Variants in SPPL2A observed in about 807,000 individuals in gnomAD.
SPPL2A encodes the protein signal peptide peptidase like 2A.
In SPPL2A, 51 loss-of-function variants were observed where a neutral mutation model predicts 63.8. That is an observed-to-expected ratio of 0.80 (90% CI 0.64 to 1.01). SPPL2A has a LOEUF of 1.01. Ranked by LOEUF, SPPL2A falls within the 50% of genes least tolerant of loss-of-function variation. The pLI is 0.00. For synonymous variants in SPPL2A, 188 were observed against 205.8 expected (o/e 0.91, Z 0.74); for missense variants, 553 against 622.7 (o/e 0.89, Z 1.19).
At chr15:50,749,226 T>A (rs28698099) in intron 2 of SPPL2A, among the ~76,000 whole-genome samples, 9 of 152,060 alleles carry the variant, frequency 5.9e-5, no homozygotes, top group Non-Finnish European at 4.4e-5. Flanking sequence ...CAAATGATCC[T>A]CCCATCTTGA....
At chr15:50,752,478 G>A (rs2062916732) in intron 1 of SPPL2A, among the ~76,000 whole-genome samples, 2 of 152,196 alleles carry the variant, frequency 1.3e-5, no homozygotes, top group South Asian at 4.1e-4. Flanking sequence ...AGCACCTCGG[G>A]AGGCCGAGGC....
At chr15:50,765,130 T>C (rs2063046757) in intron 1 of SPPL2A, among the ~76,000 whole-genome samples, 1 of 152,084 alleles carries the variant, frequency 6.6e-6, no homozygotes, top group African/African-American at 2.4e-5. Flanking sequence ...AGGTCAATTT[T>C]AAATATGCTG....
intron 9 of SPPL2A, 23 bp from the exon 10 acceptor site, chr15:50,731,062 T>TA: frequency 1.8e-6 from 2 of 1,082,588 alleles, no homozygotes; most frequent in South Asian, 1.3e-5. Context: ...GAAACAAAAT[T>TA]AAAGGTCAAT....
intron 5 of SPPL2A, among the ~76,000 whole-genome samples, chr15:50,742,185 G>A (rs571897163): frequency 1.2e-4 from 19 of 152,128 alleles, no homozygotes; most frequent in Middle Eastern, 6.8e-3. Context: ...TGAGGCAGGC[G>A]GATCACCTGA....
At chr15:50,716,441 C>T (rs1029405959) in intron 14 of SPPL2A, among the ~76,000 whole-genome samples, 10 of 152,124 alleles carry the variant, frequency 6.6e-5, no homozygotes, top group Non-Finnish European at 2.9e-5. Flanking sequence ...GTGATCTGCC[C>T]GCCTCAGCCT....
chr15:50,765,484 C>A lies in SPPL2A; in HGVS notation c.50G>T (p.Gly17Val). 3 of 1,504,198 alleles carry A rather than the reference C, an allele frequency of 2.0e-6. No individual in the cohort carries two copies. The highest frequency in any genetic ancestry group is 1.8e-6 in the Non-Finnish European group (2 of 1,134,026). 93.2% of individuals were successfully genotyped at this position (1,504,198 alleles called of 1,614,324 possible). A position where few individuals can be genotyped will look rare whatever the true frequency, so the allele number is the denominator to read the frequency against. ...CCCCCTTACCAGCTGGAGCAGGAAG[C>A]CCCAGAGTAGGGCGGCCCCGGCAGG... ...LSPAGAALLW[G>V]FLLQLTAAQE... Residue 17 changes from glycine (G) to valine (V), a missense_variant, in exon 1 of 15, where the codon GGC (glycine) becomes GTC (valine). Transcript: ENST00000261854.
intron 14 of SPPL2A, among the ~76,000 whole-genome samples, chr15:50,718,634 T>C (rs1352241370): frequency 2.0e-5 from 3 of 152,172 alleles, no homozygotes; most frequent in African/African-American, 7.2e-5. Flanking sequence ...CTTTGTGATG[T>C]AGGCAAGACA....
chr15:50,765,538 C>G lies in SPPL2A; in HGVS notation c.-5G>C, dbSNP rs747094578. 14 of 1,490,690 alleles carry G rather than the reference C, an allele frequency of 9.4e-6. No individual in the cohort carries two copies. Among genetic ancestry groups the G allele is most frequent in the African/African-American group, 1.5e-5 (1 of 68,694 alleles). The allele number at this position is 1,490,690 out of a possible 1,614,324, so 92.3% of individuals were successfully genotyped here. A position where few individuals can be genotyped will look rare whatever the true frequency, so the allele number is the denominator to read the frequency against. On this transcript the variant is annotated 5_prime_UTR_variant, in exon 1 of 15. Transcript: ENST00000261854. ...CAGCCGCCGCTGCGGCCCCATCGGA[C>G]TGGTGGGTGCCGGGTGGGACGGCAC...
chr15:50,731,241 T>C (rs2062728870), intron 9 of SPPL2A, among the ~76,000 whole-genome samples: 1 of 152,152 alleles, frequency 6.6e-6, no homozygotes, highest in Admixed American at 6.5e-5. Flanking sequence ...TTAAAAAAAA[T>C]CACCGAACCA....
At chr15:50,751,192 T>C (rs928628106) in intron 1 of SPPL2A, among the ~76,000 whole-genome samples, 1 of 152,192 alleles carries the variant, frequency 6.6e-6, no homozygotes, top group African/African-American at 2.4e-5. Flanking sequence ...AGAAATGTAG[T>C]TTTCATTCAG....
In SPPL2A at chr15:50,706,283, G is replaced by T. The variant is rs1278881622; in HGVS notation, c.*1517C>A. On this transcript the variant is annotated 3_prime_UTR_variant, in exon 15 of 15. Transcript: ENST00000261854. ...CGGGCGCCTGTAGTCCTAGCTACTTGGGAGGCTGAGGCAGGAGAATGGCGT... is the reference window on the plus strand; with the variant it reads ...CGGGCGCCTGTAGTCCTAGCTACTTTGGAGGCTGAGGCAGGAGAATGGCGT... 6.7e-6 allele frequency: 1 copy of T among 149,908 alleles called. No individual in the cohort carries two copies. The highest frequency in any genetic ancestry group is 1.5e-5 in the Non-Finnish European group (1 of 67,226). 9.3% of individuals were successfully genotyped at this position (149,908 alleles called of 1,614,324 possible). A position where few individuals can be genotyped will look rare whatever the true frequency, so the allele number is the denominator to read the frequency against.
intron 1 of SPPL2A, among the ~76,000 whole-genome samples, chr15:50,760,810 A>T (rs2063003571): frequency 6.6e-6 from 1 of 152,152 alleles, no homozygotes. Context: ...GGAGGTTGAG[A>T]GAACAGAGCA....
chr15:50,756,379 G>C (rs921504608), intron 1 of SPPL2A, among the ~76,000 whole-genome samples: 2 of 139,762 alleles, frequency 1.4e-5, no homozygotes, highest in Admixed American at 7.2e-5. Context: ...AAAAAAAAAA[G>C]GTCAGGGTCT....
In SPPL2A at chr15:50,765,031, G is replaced by C. The variant is rs1186286837; in HGVS notation, c.66+437C>G. ...TTAGTGCAATTAAAGTGCAGTCCTC[G>C]AACCGCTAAACATACTGGCGCCTTG... is the stretch of plus-strand genomic sequence containing the variant. On this transcript the variant is annotated intron_variant, in intron 1 of 14. Transcript: ENST00000261854. Among the ~76,000 whole-genome samples the C allele has an allele frequency of 3.9e-5, 6 of 152,076 alleles. No individual in the cohort carries two copies. In the East Asian group the frequency reaches 1.2e-3, roughly 29 times the overall value.
At chr15:50,710,413 G>A (rs2062547057) in intron 14 of SPPL2A, among the ~76,000 whole-genome samples, 1 of 152,030 alleles carries the variant, frequency 6.6e-6, no homozygotes, top group South Asian at 2.1e-4. Flanking sequence ...AACTTATTGA[G>A]AAGTAAGCAT....
rs1262652893 is a variant in SPPL2A, at chr15:50,748,818, T to C, written c.230A>G (p.Asp77Gly). The C allele has an allele frequency of 6.2e-7, 1 of 1,611,206 alleles. No individual in the cohort carries two copies. Among genetic ancestry groups the C allele is most frequent in the Non-Finnish European group, 8.5e-7 (1 of 1,179,018 alleles). ...GCTCTTTATGCCAACAGGAGGAATA[T>C]CAGAAAGGTTGCATAGTGGTGTGGA... ...LTSTPLCNLSDIPPVGIKSKA... is the reference protein window; with the variant it reads ...LTSTPLCNLSGIPPVGIKSKA... The change falls in exon 3 of 15, where the codon GAT (aspartate) becomes GGT (glycine). Residue 77 changes from aspartate (D) to glycine (G), a missense_variant. By Grantham distance (94) the Asp-to-Gly change is moderately conservative (BLOSUM62 -1). Coordinates refer to ENST00000261854, the MANE Select transcript of SPPL2A (RefSeq NM_032802.4).
intron 1 of SPPL2A, among the ~76,000 whole-genome samples, chr15:50,762,367 CA>C (rs5812527): frequency 0.14 from 16,618 of 115,710 alleles, 2,148 homozygotes; most frequent in African/African-American, 0.4. Context: ...GACTCCATCT[CA>C]AAAAAAAAAA....
At chr15:50,708,618 A>T (rs947528016) in intron 14 of SPPL2A, among the ~76,000 whole-genome samples, 10 of 151,162 alleles carry the variant, frequency 6.6e-5, no homozygotes. Flanking sequence ...AGGCAGGAGA[A>T]TTGCTTGAAC....
At position 50,702,760 on chromosome 15, in the gene SPPL2A, T is replaced by G. The variant is rs1435963991; in HGVS notation, c.*5040A>C. 6.6e-6 allele frequency: 1 copy of G among 152,214 alleles called. No homozygotes were observed. The highest frequency in any genetic ancestry group is 2.4e-5 in the African/African-American group (1 of 41,460). 9.4% of individuals were successfully genotyped at this position (152,214 alleles called of 1,614,324 possible). ...TCCTTAATTGCCAGTAATGGAGGAC[T>G]ACTATAAAAATTTAGTTTTAAAAAT... On this transcript the variant is annotated 3_prime_UTR_variant, in exon 15 of 15. Transcript: ENST00000261854.
Sources: gnomAD v4.1 joint callset for allele counts (sites outside exome capture counted in the v4.1 genomes callset) on GRCh38, gnomAD v4.1.1 for gene constraint, MANE v1.5 for transcripts, NCBI Gene and HGNC (gene_info 2026-07-23, HGNC 2026-07-21) for gene names.